Variants in TFR2 observed in about 807,000 individuals in gnomAD.
TFR2 encodes the protein transferrin receptor protein 2.
TFR2 carries 64 observed loss-of-function variants against 91.9 expected under a neutral mutation model. The observed-to-expected ratio is 0.70, with a 90% CI of 0.57 to 0.86. The LOEUF (loss-of-function observed/expected upper bound fraction) is 0.86, where lower values mean the gene tolerates loss of function less well. TFR2 is among the 40% of genes least tolerant of loss of function. The pLI, the probability that TFR2 is intolerant of heterozygous loss-of-function variation, is 0.00. For missense variants in TFR2, 950 were observed against 1,080.5 expected (o/e 0.88, Z 1.69); for synonymous variants, 454 against 459.6 (o/e 0.99, Z 0.15).
At chr7:100,621,184 C>G (rs781683932) in intron 17 of TFR2, 58 bp from the exon 18 acceptor site, 124 of 1,431,704 alleles carry the variant, frequency 8.7e-5, no homozygotes, top group Non-Finnish European at 1.1e-4. Context: ...AGCAAAGGCC[C>G]GAGTCACCCT....
chr7:100,626,681 G>A (rs1387386769), intron 17 of TFR2, 82 bp downstream of exon 17: 2 of 1,519,516 alleles, frequency 1.3e-6, no homozygotes, highest in African/African-American at 1.4e-5. Flanking sequence ...AGAGGAGCGC[G>A]CAGACGGGGC....
intron 3 of TFR2, among the ~76,000 whole-genome samples, chr7:100,637,673 C>G (rs1028668952): frequency 3.6e-4 from 54 of 151,916 alleles, no homozygotes; most frequent in African/African-American, 1.2e-3. Context: ...ATTAGCTGGG[C>G]GTGGTGGCCC....
At chr7:100,634,029 CATCACCACCAG>C (rs1420932834) in intron 3 of TFR2, among the ~76,000 whole-genome samples, 1 of 151,962 alleles carries the variant, frequency 6.6e-6, no homozygotes, top group Non-Finnish European at 1.5e-5. Flanking sequence ...CATTTTCTCC[CATCACCACCAG>C]GGCGGCGCCG....
At position 100,627,733 on chromosome 7, in the gene TFR2, C is replaced by A. The variant is rs372807620; in HGVS notation, c.1682+11G>T. 4 of 1,613,980 alleles carry A rather than the reference C, an allele frequency of 2.5e-6. No homozygotes were observed. Among genetic ancestry groups the A allele is most frequent in the South Asian group, 2.2e-5 (2 of 91,074 alleles). On this transcript the variant is annotated intron_variant, in intron 14 of 17. Coordinates refer to ENST00000223051, the MANE Select transcript of TFR2 (RefSeq NM_003227.4). ...CATCCCTCCCCAGCTCTCCCTACCCCCCCAACTTACACCTCAGCATCCCAG... is the reference window on the plus strand; with the variant it reads ...CATCCCTCCCCAGCTCTCCCTACCCACCCAACTTACACCTCAGCATCCCAG...
chr7:100,626,643 A>G, intron 17 of TFR2, 120 bp downstream of exon 17: 1 of 1,483,650 alleles, frequency 6.7e-7, no homozygotes, highest in South Asian at 1.3e-5. Flanking sequence ...GAGCATCCAG[A>G]GGACCGGGAC....
intron 3 of TFR2, among the ~76,000 whole-genome samples, chr7:100,635,530 C>A (rs1406726797): frequency 6.6e-6 from 1 of 151,718 alleles, no homozygotes; most frequent in Non-Finnish European, 1.5e-5. Context: ...ACTGCAACCT[C>A]CACCTCCCAG....
rs375150921 is a variant in TFR2 at position 100,630,955 on chromosome 7, T to G, written c.1204A>C (p.Asn402His). ...GPGPRLRLVV[N>H]NHRTSTPINN... ...ATGGGGGTGGAGGTCCTGTGATTGTTGACCACTAGCCGCAGTCGTGGCCCG... is the reference window on the plus strand; with the variant it reads ...ATGGGGGTGGAGGTCCTGTGATTGTGGACCACTAGCCGCAGTCGTGGCCCG... The change falls in exon 9 of 18, where the codon AAC becomes CAC. Residue 402 changes from asparagine (N) to histidine (H), a missense_variant. Physicochemically the swap from Asn to His is moderately conservative, Grantham distance 68. Transcript: ENST00000223051. 6.2e-7 allele frequency: 1 copy of G among 1,613,086 alleles called. No homozygotes were observed. Among genetic ancestry groups the G allele is most frequent in the Non-Finnish European group, 8.5e-7 (1 of 1,179,860 alleles).
intron 17 of TFR2, among the ~76,000 whole-genome samples, chr7:100,624,321 C>T (rs186627443): frequency 5.9e-5 from 9 of 152,266 alleles, no homozygotes; most frequent in South Asian, 2.1e-4. Context: ...CTGCCACACC[C>T]GAATTCTGGT....
At position 100,633,023 on chromosome 7, in the gene TFR2, C is replaced by A; in HGVS notation, c.827G>T (p.Gly276Val). ...TACCTTCTGGGCGAAGCTGATCACC[C>A]CCACGCGCACCAGCAGCAGGCGGCC... ...PVGRLLLVRV[G>V]VISFAQKVTN... Residue 276 changes from glycine (G) to valine (V), a missense_variant, in exon 6 of 18, where the codon GGG becomes GTG. Physicochemically the swap from Gly to Val is moderately radical, Grantham distance 109. Coordinates refer to ENST00000223051, the MANE Select transcript of TFR2 (RefSeq NM_003227.4). 1.2e-6 allele frequency: 2 copies of A among 1,613,844 alleles called. No individual in the cohort carries two copies. Among genetic ancestry groups the A allele is most frequent in the Non-Finnish European group, 8.5e-7 (1 of 1,180,012 alleles).
At chr7:100,634,253 T>G (rs186119798) in intron 3 of TFR2, among the ~76,000 whole-genome samples, 1 of 149,552 alleles carries the variant, frequency 6.7e-6, no homozygotes, top group East Asian at 2.0e-4. Context: ...AAGAGCTAAC[T>G]GGGCAGGCAG....
chr7:100,636,128 C>T (rs1487263001), intron 3 of TFR2, among the ~76,000 whole-genome samples: 1 of 151,520 alleles, frequency 6.6e-6, no homozygotes, highest in South Asian at 2.1e-4. Context: ...ATCATTGTCA[C>T]CTCCAGTCCA....
chr7:100,632,629 AGCCTGGCACTC>A (rs1803476606), intron 6 of TFR2: 1 of 327,384 alleles, frequency 3.1e-6, no homozygotes, highest in Admixed American at 4.9e-5. Flanking sequence ...AGCTCACTGC[AGCCTGGCACTC>A]CTGGGCTCAA....
At position 100,626,759 on chromosome 7, in the gene TFR2, T is replaced by A. The variant is rs1358200229; in HGVS notation, c.2136+4A>T. The A allele has an allele frequency of 6.5e-7, 1 of 1,542,908 alleles. No homozygotes were observed. Among genetic ancestry groups the A allele is most frequent in the Non-Finnish European group, 8.7e-7 (1 of 1,146,746 alleles). The stretch of plus-strand genomic sequence containing the variant: ...GGGGCGGGGCGAGGAGGGCGGGGCC[T>A]CACCCGCATTATGCGCACGTTGTAC... On this transcript the variant is annotated splice_donor_region_variant and intron_variant, in intron 17 of 17. Coordinates refer to ENST00000223051, the MANE Select transcript of TFR2 (RefSeq NM_003227.4).
chr7:100,641,452 G>A, intron 1 of TFR2, 25 bp downstream of exon 1: 1 of 1,613,556 alleles, frequency 6.2e-7, no homozygotes, highest in Non-Finnish European at 8.5e-7. Context: ...GGCCTAAGGG[G>A]TCTTCCCAAT....
At chr7:100,632,512 T>C (rs1050474399) in intron 6 of TFR2, among the ~76,000 whole-genome samples, 4 of 150,742 alleles carry the variant, frequency 2.7e-5, no homozygotes, top group African/African-American at 4.9e-5. Context: ...TTTCCTTCCT[T>C]CCTTCCTCCC....
intron 3 of TFR2, among the ~76,000 whole-genome samples, chr7:100,634,525 A>T (rs1279327742): frequency 6.6e-6 from 1 of 152,188 alleles, no homozygotes; most frequent in Non-Finnish European, 1.5e-5. Context: ...TACAGGCATG[A>T]ACCATGACGA....
intron 3 of TFR2, among the ~76,000 whole-genome samples, chr7:100,639,542 A>G (rs1803649301): frequency 1.3e-5 from 2 of 151,676 alleles, no homozygotes; most frequent in Non-Finnish European, 2.9e-5. Flanking sequence ...TGCCACGGTT[A>G]CCTTAAATTC....
chr7:100,624,503 TTGC>T (rs1168936037), intron 17 of TFR2, among the ~76,000 whole-genome samples: 2 of 151,796 alleles, frequency 1.3e-5, no homozygotes, highest in African/African-American at 4.8e-5. Flanking sequence ...CTACTTAACG[TTGC>T]TGCTATTACA....
chr7:100,632,926 C>G, intron 6 of TFR2, 75 bp downstream of exon 6: 1 of 1,612,082 alleles, frequency 6.2e-7, no homozygotes, highest in Non-Finnish European at 8.5e-7. Context: ...CTCACAGCAC[C>G]CTGAACGATT....
Sources: allele counts gnomAD v4.1 joint callset (sites outside exome capture counted in the v4.1 genomes callset), GRCh38; gene constraint gnomAD v4.1.1; transcripts MANE v1.5; gene names NCBI Gene and HGNC (gene_info 2026-07-23, HGNC 2026-07-21).